EIF2AK3: variants seen among roughly 807,000 people sequenced by gnomAD.
EIF2AK3 encodes eukaryotic translation initiation factor 2-alpha kinase 3.
A neutral mutation model predicts 113.5 loss-of-function variants in EIF2AK3; 50 were observed. The observed-to-expected ratio is 0.44, with a 90% CI of 0.35 to 0.56. The LOEUF (loss-of-function observed/expected upper bound fraction) is 0.56. Ranked by LOEUF, EIF2AK3 falls within the 20% of genes least tolerant of loss-of-function variation. The probability of loss-of-function intolerance (pLI) is 0.00; values close to 1 mark genes in which losing one functional copy is unlikely to be tolerated. For missense variants in EIF2AK3, 1,185 were observed against 1,378.0 expected, an observed-to-expected ratio of 0.86 and a Z score of 2.22; for synonymous variants, 448 against 495.4, an observed-to-expected ratio of 0.90 and a Z score of 1.27.
At chr2:88,575,565 A>G in intron 12 of EIF2AK3, 119 bp from the exon 13 acceptor site, 1 of 1,001,352 alleles carries the variant, frequency 1.0e-6, no homozygotes, top group Non-Finnish European at 1.5e-6. Context: ...AATGACAACA[A>G]AACAACATAC....
At chr2:88,581,709 C>T (rs1480018520) in intron 10 of EIF2AK3, among the ~76,000 whole-genome samples, 2 of 152,164 alleles carry the variant, frequency 1.3e-5, no homozygotes, top group Non-Finnish European at 2.9e-5. Context: ...CTGGTGTTGA[C>T]AGTCACTGAT....
At chr2:88,565,039 T>G (rs971780420) in intron 14 of EIF2AK3, among the ~76,000 whole-genome samples, 6 of 131,350 alleles carry the variant, frequency 4.6e-5, no homozygotes, top group African/African-American at 1.6e-4. Context: ...TAAAAAGGTG[T>G]TTTTTTTTTT....
At chr2:88,561,842 G>C (rs1337237035) in intron 15 of EIF2AK3, among the ~76,000 whole-genome samples, 1 of 152,074 alleles carries the variant, frequency 6.6e-6, no homozygotes, top group Non-Finnish European at 1.5e-5. Context: ...CTGAGCGACA[G>C]AGCAAGACCT....
At chr2:88,627,744 C>T (rs1203303100), upstream of EIF2AK3, 1 of 155,084 alleles carries the variant, frequency 6.4e-6, no homozygotes, top group African/African-American at 2.4e-5. Flanking sequence ...GATTGGCCAT[C>T]GCGGTGGTTG....
chr2:88,558,079 C>G, intron 16 of EIF2AK3, 143 bp from the exon 17 acceptor site: 2 of 764,048 alleles, frequency 2.6e-6, no homozygotes, highest in Non-Finnish European at 4.4e-6. Flanking sequence ...GATACAACTA[C>G]TCAGCTCTGC....
rs1674854895 is a variant in EIF2AK3, at chr2:88,590,465, G to A, written c.1143C>T (p.Ala381=). 4.3e-6 allele frequency: 7 copies of A among 1,613,782 alleles called. No individual in the cohort carries two copies. In the East Asian group the frequency reaches 1.6e-4, roughly 36 times the overall value. Residue 381 remains alanine (A), a synonymous_variant, in exon 6 of 17, where the codon GCC becomes GCT. Coordinates refer to ENST00000303236, the MANE Select transcript of EIF2AK3 (RefSeq NM_004836.7). The stretch of plus-strand genomic sequence containing the variant: ...CACCCAAGTAAACACTGTTTTCTGT[G>A]GCTCCTCTGGCAGCTTCTACAATGT... ...EEDIVEAARG[A]TENSVYLGMY...
intron 15 of EIF2AK3, among the ~76,000 whole-genome samples, chr2:88,559,478 C>A (rs1673879304): frequency 6.6e-6 from 1 of 150,726 alleles, no homozygotes; most frequent in Non-Finnish European, 1.5e-5. Context: ...ACAGGGAGTC[C>A]TGGAACCAAT....
At chr2:88,621,784 A>AAGAC (rs1381891688) in intron 1 of EIF2AK3, among the ~76,000 whole-genome samples, 2 of 152,222 alleles carry the variant, frequency 1.3e-5, no homozygotes, top group African/African-American at 4.8e-5. Context: ...CTAGACCTTA[A>AAGAC]AGACATACAA....
chr2:88,574,820 A>G lies in EIF2AK3; in HGVS notation c.2663T>C (p.Met888Thr). The change falls in exon 13 of 17, where the codon ATG becomes ACG. Residue 888 changes from methionine to threonine, a missense_variant. Around this residue, in one of 3 missense-constraint regions of EIF2AK3, gnomAD observed 877 missense variants for 1,024.2 expected, o/e 0.86. Coordinates refer to ENST00000303236, the MANE Select transcript of EIF2AK3 (RefSeq NM_004836.7). ...SSPKVYLYIQ[M>T]QLCRKENLKD... ...GAGGTTTTCTTTTCTGCACAGCTGC[A>G]TTTGAATGTAAAGATACACCTTTGG... The G allele has an allele frequency of 6.2e-7, 1 of 1,614,176 alleles. No homozygotes were observed. Among genetic ancestry groups the G allele is most frequent in the Non-Finnish European group, 8.5e-7 (1 of 1,180,016 alleles).
chr2:88,562,374 T>A lies in EIF2AK3; in HGVS notation c.3002A>T (p.Tyr1001Phe). The change falls in exon 15 of 17, where the codon TAT (tyrosine) becomes TTT (phenylalanine). Residue 1001 changes from tyrosine (Y) to phenylalanine (F), a missense_variant. By Grantham distance (22) the Tyr-to-Phe change is conservative. This residue lies in a region of EIF2AK3 where 877 missense variants were observed against 1,024.2 expected (regional missense o/e 0.86). Transcript: ENST00000303236. ...MSPEQIHGNS[Y>F]SHKVDIFSLG... ...AGAAAAGATGTCCACTTTATGAGAA[T>A]AGCTGTTTCCATGAATCTGAAATCC... 1.2e-6 allele frequency: 2 copies of A among 1,613,868 alleles called. No homozygotes were observed. The highest frequency in any genetic ancestry group is 1.7e-6 in the Non-Finnish European group (2 of 1,179,776).
At chr2:88,593,135 C>A in intron 4 of EIF2AK3, 137 bp downstream of exon 4, 1 of 1,002,154 alleles carries the variant, frequency 1.0e-6, no homozygotes, top group Non-Finnish European at 1.4e-6. Context: ...GAGCAAGACT[C>A]CGTATCAAAA....
At position 88,590,943 on chromosome 2, in the gene EIF2AK3, T is replaced by TA; in HGVS notation, c.876dup (p.Lys293Ter). On this transcript the variant is annotated frameshift_variant, in exon 5 of 17. Coordinates refer to ENST00000303236, the MANE Select transcript of EIF2AK3 (RefSeq NM_004836.7). LOFTEE classifies it high-confidence loss of function. ...TGTTCTTCCACATCTGAAATAATTT[T>TA]AGACTCTTCTGTGTTCTCATTGGGC... The TA allele has an allele frequency of 6.2e-7, 1 of 1,614,172 alleles. No individual in the cohort carries two copies. Among genetic ancestry groups the TA allele is most frequent in the Non-Finnish European group, 8.5e-7 (1 of 1,179,998 alleles).
Position 88,561,066 on chromosome 2 carries a change from T to G in EIF2AK3, c.3087+1223A>C, listed in dbSNP as rs534649974. On this transcript the variant is annotated intron_variant, in intron 15 of 16. Coordinates refer to ENST00000303236, the MANE Select transcript of EIF2AK3 (RefSeq NM_004836.7). ...CCCAGGCTGGAGTGCAGTGGCACAA[T>G]CATAGTGATCTTCCTGCCTTAGCCT... Among the ~76,000 whole-genome samples, 4 of 152,074 alleles carry G rather than the reference T, an allele frequency of 2.6e-5. No homozygotes were observed. The East Asian group carries it at 5.8e-4, about 22-fold the overall frequency.
intron 10 of EIF2AK3, among the ~76,000 whole-genome samples, chr2:88,582,728 C>T (rs1457341270): frequency 6.6e-6 from 1 of 151,902 alleles, no homozygotes; most frequent in African/African-American, 2.4e-5. Context: ...CTATTATTTT[C>T]AATCTTTTCT....
chr2:88,566,166 C>T (rs1298172172), intron 14 of EIF2AK3, among the ~76,000 whole-genome samples: 1 of 152,180 alleles, frequency 6.6e-6, no homozygotes, highest in Admixed American at 6.5e-5. Context: ...TTCTTGGCTC[C>T]TCCCTGCCTT....
chr2:88,615,432 G>A (rs1304380191), intron 1 of EIF2AK3, among the ~76,000 whole-genome samples: 1 of 152,184 alleles, frequency 6.6e-6, no homozygotes, highest in Non-Finnish European at 1.5e-5. Flanking sequence ...GGCTTTAGGA[G>A]GTGATTAGTT....
intron 3 of EIF2AK3, chr2:88,594,010 C>G: frequency 3.2e-6 from 3 of 943,246 alleles, no homozygotes; most frequent in Non-Finnish European, 3.8e-6. Context: ...CCGAAGTAAA[C>G]AGAGATTGAA....
chr2:88,587,762 T>C (rs1573403340), intron 8 of EIF2AK3, among the ~76,000 whole-genome samples: 1 of 152,046 alleles, frequency 6.6e-6, no homozygotes, highest in South Asian at 2.1e-4. Context: ...GATAAAGAAA[T>C]TGAGACACAG....
intron 6 of EIF2AK3, among the ~76,000 whole-genome samples, chr2:88,589,203 T>C (rs960421143): frequency 7.9e-5 from 12 of 152,154 alleles, no homozygotes; most frequent in Non-Finnish European, 1.3e-4. Flanking sequence ...ACAAAACAAA[T>C]AGCTTACACT....
Sources: allele counts gnomAD v4.1 joint callset (sites outside exome capture counted in the v4.1 genomes callset), GRCh38; gene constraint gnomAD v4.1.1; regional missense constraint gnomAD v4.1.1; transcripts MANE v1.5; gene names NCBI Gene and HGNC (gene_info 2026-07-23, HGNC 2026-07-21).